The following COPS8 variants were observed in gnomAD, a reference collection of about 807,000 sequenced individuals.
The protein encoded by COPS8 is COP9 signalosome subunit 8, also known as COP9 signalosome complex subunit 8.
A neutral mutation model predicts 31.5 loss-of-function variants in COPS8; 11 were observed. The observed-to-expected ratio is 0.35, with a 90% confidence interval of 0.22 to 0.58. COPS8 has a LOEUF of 0.58. Ranked by LOEUF, COPS8 falls within the 20% of genes least tolerant of loss-of-function variation. The pLI is 0.83. For missense variants in COPS8, 215 were observed against 255.1 expected (o/e 0.84, Z 1.07); for synonymous variants, 81 against 89.3 (o/e 0.91, Z 0.52).
At chr2:237,090,552 A>G (rs1381587091) in intron 4 of COPS8, among the ~76,000 whole-genome samples, 1 of 152,154 alleles carries the variant, frequency 6.6e-6, no homozygotes, top group Non-Finnish European at 1.5e-5. Flanking sequence ...TTCACTCTTT[A>G]TAAAATTATA....
intron 3 of COPS8, among the ~76,000 whole-genome samples, chr2:237,089,563 T>C (rs1696672777): frequency 6.6e-6 from 1 of 152,212 alleles, no homozygotes; most frequent in African/African-American, 2.4e-5. Context: ...TTAAGCTAAT[T>C]AGTCCCCAGG....
intron 4 of COPS8, among the ~76,000 whole-genome samples, chr2:237,091,104 G>A (rs1173239351): frequency 6.6e-6 from 1 of 152,138 alleles, no homozygotes; most frequent in Admixed American, 6.5e-5. Flanking sequence ...ACTGGGCTTG[G>A]GAACTCCTTA....
chr2:237,088,251 A>T (rs923661531), intron 2 of COPS8, among the ~76,000 whole-genome samples: 1 of 152,164 alleles, frequency 6.6e-6, no homozygotes, highest in East Asian at 1.9e-4. Context: ...AGGGAATGCT[A>T]CAGCCTTGAT....
At position 237,095,892 on chromosome 2, in the gene COPS8, G is replaced by A; in HGVS notation, c.502+8G>A. 1 of 1,604,744 alleles carries A rather than the reference G, an allele frequency of 6.2e-7. No individual in the cohort carries two copies. The highest frequency in any genetic ancestry group is 1.3e-5 in the African/African-American group (1 of 74,802). On this transcript the variant is annotated splice_region_variant and intron_variant, in intron 6 of 7. Transcript: ENST00000354371. The stretch of plus-strand genomic sequence containing the variant: ...TTCTGCCCAGAAAGCCAGGTAGGTG[G>A]AGCTTTCACCCATTTACGCAGCACT...
chr2:237,092,036 C>T (rs1374606976), intron 4 of COPS8, among the ~76,000 whole-genome samples: 6 of 152,226 alleles, frequency 3.9e-5, no homozygotes, highest in Admixed American at 1.3e-4. Flanking sequence ...TTCATCTTCC[C>T]TTCTGTCTCC....
At chr2:237,089,718 T>G in intron 3 of COPS8, 144 bp from the exon 4 acceptor site, 1 of 830,114 alleles carries the variant, frequency 1.2e-6, no homozygotes, top group Non-Finnish European at 1.8e-6. Context: ...AAAAAGTAAT[T>G]GCATCTTTTA....
At position 237,089,919 on chromosome 2, in the gene COPS8, T is replaced by A; in HGVS notation, c.256T>A (p.Phe86Ile). 3 of 1,613,686 alleles carry A rather than the reference T, an allele frequency of 1.9e-6. No homozygotes were observed. Among genetic ancestry groups the A allele is most frequent in the Non-Finnish European group, 2.5e-6 (3 of 1,179,898 alleles). ...AGGACAAAGAATCTGGCAGAGAGAT[T>A]TCCCTGGGATCTATACAACCATCAA... is the stretch of plus-strand genomic sequence containing the variant. ...SVGQRIWQRD[F>I]PGIYTTINAH... Residue 86 changes from phenylalanine to isoleucine, a missense_variant, in exon 4 of 8, where the codon TTC becomes ATC. Transcript: ENST00000354371.
At position 237,096,616 on chromosome 2, in the gene COPS8, C is replaced by T. The variant is rs139503267; in HGVS notation, c.503-206C>T. 850 of 617,354 alleles carry T rather than the reference C, an allele frequency of 1.4e-3. 7 individuals are homozygous for T. In the African/African-American group the frequency reaches 0.014, roughly 10 times the overall value. The allele number at this position is 617,354 out of a possible 1,614,324, so 38.2% of individuals were successfully genotyped here. A position where few individuals can be genotyped will look rare whatever the true frequency, so the allele number is the denominator to read the frequency against. ...TCAATGTGCTCAGCCCTTTGAGTTACAAAGAGTGAGAAGACATGATCCCAG... is the reference window on the plus strand; with the variant it reads ...TCAATGTGCTCAGCCCTTTGAGTTATAAAGAGTGAGAAGACATGATCCCAG... On this transcript the variant is annotated intron_variant, in intron 6 of 7. Coordinates refer to ENST00000354371, the MANE Select transcript of COPS8 (RefSeq NM_006710.5).
At chr2:237,086,112 G>C in intron 1 of COPS8, 70 bp downstream of exon 1, 1 of 1,399,362 alleles carries the variant, frequency 7.1e-7, no homozygotes, top group Non-Finnish European at 1.0e-6. Context: ...CCAGTTTCCA[G>C]GGTAACGGGG....
chr2:237,094,344 TGTGG>T, intron 5 of COPS8, 147 bp downstream of exon 5: 1 of 713,152 alleles, frequency 1.4e-6, no homozygotes, highest in Non-Finnish European at 2.3e-6. Context: ...AAACAGGTGT[TGTGG>T]AACACCCAGC....
intron 5 of COPS8, among the ~76,000 whole-genome samples, chr2:237,094,637 C>A (rs770622216): frequency 1.3e-5 from 2 of 152,230 alleles, no homozygotes; most frequent in South Asian, 4.1e-4. Flanking sequence ...GATGCCCAGA[C>A]TAATCCTTCC....
At chr2:237,086,417 G>A (rs1260796199) in intron 1 of COPS8, among the ~76,000 whole-genome samples, 1 of 151,586 alleles carries the variant, frequency 6.6e-6, no homozygotes, top group African/African-American at 2.4e-5. Context: ...CACACACACC[G>A]CAACTCACAC....
rs1696677100 is a variant in COPS8 at position 237,089,909 on chromosome 2, G to A, written c.246G>A (p.Trp82Ter). 13 of 1,613,364 alleles carry A rather than the reference G, an allele frequency of 8.1e-6. No homozygotes were observed. The highest frequency in any genetic ancestry group is 9.3e-6 in the Non-Finnish European group (11 of 1,179,904). ...TTTGGTCAGTAGGACAAAGAATCTG[G>A]CAGAGAGATTTCCCTGGGATCTATA... The part of the protein sequence containing the change: ...GGIWSVGQRI[W>*]QRDFPGIYTT... The change falls in exon 4 of 8, where the codon TGG becomes TGA. Residue 82 changes from tryptophan to a stop codon, truncating the protein, a stop_gained. Coordinates refer to ENST00000354371, the MANE Select transcript of COPS8 (RefSeq NM_006710.5). LOFTEE classifies it high-confidence loss of function.
In COPS8 at chr2:237,099,393, C is replaced by G. The variant is rs1696857150; in HGVS notation, c.*1651C>G. Reference sequence around the variant, plus strand: ...AACTACTACATAGAGAAAAAATAATCTCAAGTGATCAAACACAATATTTCA... The same window carrying G: ...AACTACTACATAGAGAAAAAATAATGTCAAGTGATCAAACACAATATTTCA... On this transcript the variant is annotated 3_prime_UTR_variant, in exon 8 of 8. Coordinates refer to ENST00000354371, the MANE Select transcript of COPS8 (RefSeq NM_006710.5). 1 of 152,040 alleles carries G rather than the reference C, an allele frequency of 6.6e-6. No homozygotes were observed. Among genetic ancestry groups the G allele is most frequent in the African/African-American group, 2.4e-5 (1 of 41,420 alleles). The allele number at this position is 152,040 out of a possible 1,614,324, so 9.4% of individuals were successfully genotyped here. A position where few individuals can be genotyped will look rare whatever the true frequency, so the allele number is the denominator to read the frequency against.
intron 2 of COPS8, among the ~76,000 whole-genome samples, chr2:237,087,952 CAAAA>C (rs199564314): frequency 1.0e-5 from 1 of 99,432 alleles, no homozygotes. Flanking sequence ...AGCATAACTG[CAAAA>C]AAAAAAAAAA....
At position 237,097,782 on chromosome 2, in the gene COPS8, T is replaced by G; in HGVS notation, c.*40T>G. On this transcript the variant is annotated 3_prime_UTR_variant, in exon 8 of 8. Coordinates refer to ENST00000354371, the MANE Select transcript of COPS8 (RefSeq NM_006710.5). ...TTCAAGATTCATCTTCAGAATCCTG[T>G]ATACTGACAAACGTAGAAATGTAAA... 2 of 1,416,826 alleles carry G rather than the reference T, an allele frequency of 1.4e-6. No individual in the cohort carries two copies. The highest frequency in any genetic ancestry group is 9.9e-7 in the Non-Finnish European group (1 of 1,005,154). 87.8% of individuals were successfully genotyped at this position (1,416,826 alleles called of 1,614,324 possible).
Position 237,095,893 on chromosome 2 carries a change from A to C in COPS8, c.502+9A>C. ...TCTGCCCAGAAAGCCAGGTAGGTGGAGCTTTCACCCATTTACGCAGCACTG... is the reference window on the plus strand; with the variant it reads ...TCTGCCCAGAAAGCCAGGTAGGTGGCGCTTTCACCCATTTACGCAGCACTG... On this transcript the variant is annotated intron_variant, in intron 6 of 7. Coordinates refer to ENST00000354371, the MANE Select transcript of COPS8 (RefSeq NM_006710.5). 6.2e-7 allele frequency: 1 copy of C among 1,603,184 alleles called. No individual in the cohort carries two copies. The highest frequency in any genetic ancestry group is 1.7e-5 in the Admixed American group (1 of 60,000).
Position 237,097,832 on chromosome 2 carries a change from G to A in COPS8, c.*90G>A. On this transcript the variant is annotated 3_prime_UTR_variant, in exon 8 of 8. Coordinates refer to ENST00000354371, the MANE Select transcript of COPS8 (RefSeq NM_006710.5). Reference sequence around the variant, plus strand: ...AGTTTGTATTTTCAATTTATTGGATGGCTTAAGCACCTCAGCATTCCTTAC... The same window carrying A: ...AGTTTGTATTTTCAATTTATTGGATAGCTTAAGCACCTCAGCATTCCTTAC... The A allele has an allele frequency of 2.4e-5, 21 of 891,154 alleles. No individual in the cohort carries two copies. The South Asian group carries it at 2.8e-4, about 12-fold the overall frequency. The allele number at this position is 891,154 out of a possible 1,614,324, so 55.2% of individuals were successfully genotyped here. A position where few individuals can be genotyped will look rare whatever the true frequency, so the allele number is the denominator to read the frequency against.
Position 237,099,688 on chromosome 2 carries a change from A to G in COPS8, c.*1946A>G, listed in dbSNP as rs376798570. 3.3e-5 allele frequency: 5 copies of G among 152,330 alleles called. No individual in the cohort carries two copies. Among genetic ancestry groups the G allele is most frequent in the East Asian group, 3.9e-4 (2 of 5,186 alleles). The allele number at this position is 152,330 out of a possible 1,614,324, so 9.4% of individuals were successfully genotyped here. A position where few individuals can be genotyped will look rare whatever the true frequency, so the allele number is the denominator to read the frequency against. On this transcript the variant is annotated 3_prime_UTR_variant, in exon 8 of 8. Coordinates refer to ENST00000354371, the MANE Select transcript of COPS8 (RefSeq NM_006710.5). Reference sequence around the variant, plus strand: ...CTAGAGTAATTACAGTTCAGTAACAATGAGCACCACTAGTACCCAGATGGT... The same window carrying G: ...CTAGAGTAATTACAGTTCAGTAACAGTGAGCACCACTAGTACCCAGATGGT...
Sources: allele counts gnomAD v4.1 joint callset (sites outside exome capture counted in the v4.1 genomes callset), GRCh38; gene constraint gnomAD v4.1.1; transcripts MANE v1.5; gene names NCBI Gene and HGNC (gene_info 2026-07-23, HGNC 2026-07-21).